The following CTXND1 variants were observed in gnomAD, a reference collection of about 807,000 sequenced individuals.
CTXND1 encodes cortexin domain-containing 1 protein.
chr15:80,236,754 G>A (rs8035299), intron 1 of CTXND1, among the ~76,000 whole-genome samples: 25,538 of 149,966 alleles, frequency 0.17, 2,581 homozygotes, highest in East Asian at 0.38. Flanking sequence ...CTGCACTCCA[G>A]CCTGGGTGAT....
rs3974511 is a variant in CTXND1 at position 80,220,099 on chromosome 15, CATCTATCTATCTATCT to C, written c.-217-16375_-217-16360del. ...CCTGTCCTGATGTCAAATATACTCT[CATCTATCTATCTATCT>C]ATCTATCTATCTATCTATCTATCTA... On this transcript the variant is annotated intron_variant, in intron 1 of 2. Coordinates refer to ENST00000560778, the MANE Select transcript of CTXND1 (RefSeq NM_001352888.2). 4.2e-3 allele frequency among the ~76,000 whole-genome samples: 612 copies of C among 146,688 alleles called. 4 individuals carry two copies. Among genetic ancestry groups the C allele is most frequent in the Non-Finnish European group, 6.8e-3 (455 of 66,766 alleles).
At chr15:80,208,475 T>C (rs1340995542) in intron 1 of CTXND1, among the ~76,000 whole-genome samples, 3 of 152,250 alleles carry the variant, frequency 2.0e-5, no homozygotes, top group Non-Finnish European at 2.9e-5. Context: ...TGCTTTTTTT[T>C]GTTTGAGAAA....
intron 1 of CTXND1, among the ~76,000 whole-genome samples, chr15:80,222,308 A>G (rs767898958): frequency 1.2e-4 from 18 of 152,022 alleles, no homozygotes; most frequent in South Asian, 4.1e-4. Flanking sequence ...ATATTATACC[A>G]CTCTTATTTC....
intron 1 of CTXND1, among the ~76,000 whole-genome samples, chr15:80,204,169 A>AATATAT (rs1282033532): frequency 1.4e-4 from 9 of 65,194 alleles, no homozygotes; most frequent in South Asian, 7.3e-4. Context: ...AAAAAAAAAA[A>AATATAT]ATATATATAT....
intron 1 of CTXND1, among the ~76,000 whole-genome samples, chr15:80,222,876 TATAA>T (rs1893332702): frequency 6.6e-6 from 1 of 152,202 alleles, no homozygotes; most frequent in Non-Finnish European, 1.5e-5. Context: ...ATATATTTGT[TATAA>T]ATAAACAAAT....
intron 1 of CTXND1, among the ~76,000 whole-genome samples, chr15:80,209,084 AC>A (rs1315139759): frequency 6.6e-6 from 1 of 151,950 alleles, no homozygotes; most frequent in Non-Finnish European, 1.5e-5. Context: ...TCACCTTGTG[AC>A]CCTCCACTGT....
chr15:80,208,332 T>C (rs887854338), intron 1 of CTXND1, among the ~76,000 whole-genome samples: 3 of 152,218 alleles, frequency 2.0e-5, no homozygotes, highest in African/African-American at 7.2e-5. Context: ...TGATGAGCAA[T>C]ATCACAAATA....
At chr15:80,204,164 AAAAAAATATAT>A (rs1417716675) in intron 1 of CTXND1, among the ~76,000 whole-genome samples, 1 of 29,710 alleles carries the variant, frequency 3.4e-5, no homozygotes, top group Non-Finnish European at 5.6e-5. Flanking sequence ...AAAAAAAAAA[AAAAAAATATAT>A]ATATATATAT....
In CTXND1 at chr15:80,197,040, G is replaced by T. The variant is rs1432086574; in HGVS notation, c.*4730C>A. On this transcript the variant is annotated 3_prime_UTR_variant, in exon 3 of 3. Transcript: ENST00000560778. ...GATGGTAACAGTTGGTGGCCTGCCT[G>T]TTCCTGGGTAGTTTGTTTTTGTTTT... The T allele has an allele frequency of 6.6e-6, 1 of 152,220 alleles. No individual in the cohort carries two copies. Among genetic ancestry groups the T allele is most frequent in the Admixed American group, 6.5e-5 (1 of 15,272 alleles). The allele number at this position is 152,220 out of a possible 1,614,324, so 9.4% of individuals were successfully genotyped here. A position where few individuals can be genotyped will look rare whatever the true frequency, so the allele number is the denominator to read the frequency against.
At chr15:80,204,343 A>C (rs1300540732) in intron 1 of CTXND1, among the ~76,000 whole-genome samples, 1 of 151,074 alleles carries the variant, frequency 6.6e-6, no homozygotes, top group African/African-American at 2.4e-5. Flanking sequence ...AGTGGCATTA[A>C]GTACATCCAC....
In CTXND1 at chr15:80,199,410, T is replaced by G. The variant is rs1391298409; in HGVS notation, c.*2360A>C. The G allele has an allele frequency of 6.6e-6, 1 of 152,248 alleles. No homozygotes were observed. Among genetic ancestry groups the G allele is most frequent in the Non-Finnish European group, 1.5e-5 (1 of 68,058 alleles). The allele number at this position is 152,248 out of a possible 1,614,324, so 9.4% of individuals were successfully genotyped here. Reference sequence around the variant, plus strand: ...TCACCCCTGAGGGTTCTAAAGTGTGTCGGGGAGGTCTGGAAGACCTTTTCT... The same window carrying G: ...TCACCCCTGAGGGTTCTAAAGTGTGGCGGGGAGGTCTGGAAGACCTTTTCT... On this transcript the variant is annotated 3_prime_UTR_variant, in exon 3 of 3. Coordinates refer to ENST00000560778, the MANE Select transcript of CTXND1 (RefSeq NM_001352888.2).
chr15:80,226,077 C>CA (rs1829489442), intron 1 of CTXND1, among the ~76,000 whole-genome samples: 1 of 152,102 alleles, frequency 6.6e-6, no homozygotes, highest in South Asian at 2.1e-4. Context: ...GGGCCAGAAA[C>CA]AAAAAGAGGA....
intron 1 of CTXND1, among the ~76,000 whole-genome samples, chr15:80,210,872 C>T (rs527847170): frequency 1.3e-5 from 2 of 152,206 alleles, no homozygotes; most frequent in East Asian, 1.9e-4. Flanking sequence ...AGACGGCTGT[C>T]TTCTCACTGT....
At chr15:80,204,402 G>A (rs890801339) in intron 1 of CTXND1, among the ~76,000 whole-genome samples, 1 of 150,274 alleles carries the variant, frequency 6.7e-6, no homozygotes, top group African/African-American at 2.4e-5. Context: ...TCTTCATCTT[G>A]CAAAACAAAC....
chr15:80,210,843 G>A (rs1355036797), intron 1 of CTXND1, among the ~76,000 whole-genome samples: 4 of 152,192 alleles, frequency 2.6e-5, no homozygotes, highest in African/African-American at 9.7e-5. Flanking sequence ...TGCTCCCCAG[G>A]GCTCTCTTCC....
intron 1 of CTXND1, among the ~76,000 whole-genome samples, chr15:80,212,327 G>A (rs943968554): frequency 1.3e-5 from 2 of 152,172 alleles, no homozygotes; most frequent in African/African-American, 4.8e-5. Context: ...CAAGGTAGAT[G>A]AATATCAGTT....
chr15:80,222,498 C>G (rs1595906626), intron 1 of CTXND1, among the ~76,000 whole-genome samples: 1 of 152,126 alleles, frequency 6.6e-6, no homozygotes, highest in African/African-American at 2.4e-5. Flanking sequence ...TATACAATAT[C>G]CAATTCATGG....
At chr15:80,219,989 T>C (rs1350771597) in intron 1 of CTXND1, among the ~76,000 whole-genome samples, 3 of 152,194 alleles carry the variant, frequency 2.0e-5, no homozygotes, top group Non-Finnish European at 4.4e-5. Context: ...ATCCTATTTG[T>C]TCAGATGTTT....
At chr15:80,232,769 A>G (rs960043689) in intron 1 of CTXND1, among the ~76,000 whole-genome samples, 1 of 152,126 alleles carries the variant, frequency 6.6e-6, no homozygotes, top group Non-Finnish European at 1.5e-5. Context: ...TGCCTTTGCA[A>G]TGATTTCCCA....
Sources: allele counts gnomAD v4.1 joint callset (sites outside exome capture counted in the v4.1 genomes callset), GRCh38; gene constraint gnomAD v4.1.1; transcripts MANE v1.5; gene names NCBI Gene and HGNC (gene_info 2026-07-23, HGNC 2026-07-21).